EHBP1: variants seen among roughly 807,000 people sequenced by gnomAD.
EHBP1 encodes EH domain binding protein 1, also known as EH domain-binding protein 1.
In EHBP1, 55 loss-of-function variants were observed where a neutral mutation model predicts 144.0. The observed-to-expected ratio is 0.38, with a 90% CI of 0.31 to 0.48. EHBP1 has a LOEUF of 0.48. Among genes scored for constraint, EHBP1 ranks in the 20% least tolerant of loss-of-function variants. The pLI is 0.98. For synonymous variants in EHBP1, 469 were observed against 472.7 expected, an observed-to-expected ratio of 0.99 and a Z score of 0.10; for missense variants, 1,200 against 1,364.2, an observed-to-expected ratio of 0.88 and a Z score of 1.90.
intron 13 of EHBP1, among the ~76,000 whole-genome samples, chr2:62,949,604 A>G (rs2057272210): frequency 6.6e-6 from 1 of 152,234 alleles, no homozygotes; most frequent in African/African-American, 2.4e-5. Context: ...TAAATCAAAG[A>G]TGTTTCAATA....
intron 9 of EHBP1, chr2:62,871,985 T>C (rs1195354510): frequency 2.6e-5 from 4 of 152,184 alleles, no homozygotes; most frequent in Non-Finnish European, 4.4e-5. Context: ...ATTTCTCGTA[T>C]GGTTTTGTGT....
At chr2:62,766,205 T>C (rs1489979563) in intron 4 of EHBP1, among the ~76,000 whole-genome samples, 1 of 152,160 alleles carries the variant, frequency 6.6e-6, no homozygotes, top group Non-Finnish European at 1.5e-5. Flanking sequence ...TTGTAGGGGT[T>C]GTTAAAGAAA....
intron 1 of EHBP1, among the ~76,000 whole-genome samples, chr2:62,696,815 C>A (rs2034118253): frequency 6.6e-6 from 1 of 152,116 alleles, no homozygotes; most frequent in Admixed American, 6.5e-5. Flanking sequence ...CCACGCCTGA[C>A]CTTTTTTTCT....
At chr2:62,960,246 C>T (rs2057933008) in intron 14 of EHBP1, among the ~76,000 whole-genome samples, 1 of 152,126 alleles carries the variant, frequency 6.6e-6, no homozygotes, top group African/African-American at 2.4e-5. Context: ...CCTGTCCCCT[C>T]CCTTTACAGC....
At chr2:62,932,606 G>A (rs2056088690) in intron 10 of EHBP1, among the ~76,000 whole-genome samples, 1 of 152,232 alleles carries the variant, frequency 6.6e-6, no homozygotes, top group African/African-American at 2.4e-5. Context: ...AGAAAGTTCT[G>A]GAGATCTGTT....
At position 62,977,537 on chromosome 2, in the gene EHBP1, C is replaced by CT. The variant is rs1171961156; in HGVS notation, c.2461-1645dup. On this transcript the variant is annotated intron_variant, in intron 14 of 22. Coordinates refer to ENST00000431489, the MANE Select transcript of EHBP1 (RefSeq NM_001142616.3). ...TTTGCCCCTCAGCCAAAAATGTTCT[C>CT]TTTTTTCTGAACCCTTATGTTATTT... Among the ~76,000 whole-genome samples the CT allele has an allele frequency of 2.6e-5, 4 of 152,112 alleles. No individual in the cohort carries two copies. The South Asian group carries it at 6.2e-4, about 24-fold the overall frequency.
At chr2:62,962,417 G>T (rs2058048013) in intron 14 of EHBP1, among the ~76,000 whole-genome samples, 1 of 152,154 alleles carries the variant, frequency 6.6e-6, no homozygotes, top group South Asian at 2.1e-4. Flanking sequence ...TTTAAAAAAT[G>T]CATTTAATAA....
chr2:62,890,056 G>A (rs374695305), intron 10 of EHBP1, among the ~76,000 whole-genome samples: 2 of 151,292 alleles, frequency 1.3e-5, no homozygotes, highest in Non-Finnish European at 2.9e-5. Flanking sequence ...CCGCCTCTGG[G>A]TTCAAGTGAT....
intron 1 of EHBP1, among the ~76,000 whole-genome samples, chr2:62,678,604 A>G (rs1156485266): frequency 6.6e-6 from 1 of 152,170 alleles, no homozygotes; most frequent in Non-Finnish European, 1.5e-5. Flanking sequence ...TTGAGTTCCA[A>G]AATAGCTGTT....
chr2:62,856,544 G>A (rs1205397155), intron 7 of EHBP1, among the ~76,000 whole-genome samples: 2 of 152,130 alleles, frequency 1.3e-5, no homozygotes, highest in Admixed American at 6.5e-5. Flanking sequence ...TGCCTGACTC[G>A]CCCTTGGTAG....
chr2:62,832,124 T>G (rs899762489), intron 7 of EHBP1, among the ~76,000 whole-genome samples: 1 of 152,220 alleles, frequency 6.6e-6, no homozygotes, highest in Non-Finnish European at 1.5e-5. Flanking sequence ...TGATTGCAAT[T>G]TTGATTTATT....
intron 14 of EHBP1, among the ~76,000 whole-genome samples, chr2:62,976,607 C>T (rs976420802): frequency 1.3e-5 from 2 of 152,112 alleles, no homozygotes; most frequent in African/African-American, 2.4e-5. Flanking sequence ...GTCCTCTTTT[C>T]CTCTTATGTA....
intron 7 of EHBP1, among the ~76,000 whole-genome samples, chr2:62,832,438 CTTTTTTT>C (rs202005406): frequency 2.5e-4 from 29 of 117,820 alleles, no homozygotes; most frequent in Admixed American, 3.5e-4. Flanking sequence ...TTTCTTTTTT[CTTTTTTT>C]TTTTTTTTTT....
rs1376655822 is a variant in EHBP1, at chr2:62,928,715, A to C, written c.1186-14003A>C. ...AAGCTAGAAAAAGGAAGGAAATAAT[A>C]AAGATTAGAGCAGAGATAAACAAAA... On this transcript the variant is annotated intron_variant, in intron 10 of 22. Transcript: ENST00000431489. 2.0e-5 allele frequency among the ~76,000 whole-genome samples: 3 copies of C among 152,068 alleles called. No individual in the cohort carries two copies. The East Asian group carries it at 5.8e-4, about 29-fold the overall frequency.
At chr2:62,848,030 C>T (rs1266552307) in intron 7 of EHBP1, among the ~76,000 whole-genome samples, 1 of 151,162 alleles carries the variant, frequency 6.6e-6, no homozygotes, top group Non-Finnish European at 1.5e-5. Flanking sequence ...AAACTCTCAT[C>T]CATTGTTGGT....
At chr2:63,012,761 T>C (rs1326859442) in intron 19 of EHBP1, among the ~76,000 whole-genome samples, 1 of 152,190 alleles carries the variant, frequency 6.6e-6, no homozygotes, top group African/African-American at 2.4e-5. Flanking sequence ...ATGGCTTGCA[T>C]AGGGACTCCT....
At chr2:62,824,517 A>G (rs532328353) in intron 5 of EHBP1, among the ~76,000 whole-genome samples, 36 of 152,156 alleles carry the variant, frequency 2.4e-4, no homozygotes, top group African/African-American at 8.2e-4. Context: ...AGTAGCAACC[A>G]GGGAAAGAAC....
chr2:62,993,616 A>G lies in EHBP1; in HGVS notation c.2820A>G (p.Thr940=). 1 of 1,610,006 alleles carries G rather than the reference A, an allele frequency of 6.2e-7. No individual in the cohort carries two copies. Among genetic ancestry groups the G allele is most frequent in the South Asian group, 1.1e-5 (1 of 90,584 alleles). ...CTGTTGTGTTCAGCAAAGATTCTACAGTCAGAAAAACTCAACTTCAGTCTT... is the reference window on the plus strand; with the variant it reads ...CTGTTGTGTTCAGCAAAGATTCTACGGTCAGAAAAACTCAACTTCAGTCTT... The part of the protein sequence containing the change: ...RNPVVFSKDS[T]VRKTQLQSFS... The change falls in exon 17 of 23, where the codon ACA becomes ACG. Residue 940 remains threonine, a synonymous_variant. Transcript: ENST00000431489.
At chr2:62,829,894 A>G (rs2046674272) in intron 6 of EHBP1, among the ~76,000 whole-genome samples, 1 of 150,718 alleles carries the variant, frequency 6.6e-6, no homozygotes, top group Non-Finnish European at 1.5e-5. Flanking sequence ...GCTGGTGAGA[A>G]TGTAAACTGG....
Sources: allele counts gnomAD v4.1 joint callset (sites outside exome capture counted in the v4.1 genomes callset), GRCh38; gene constraint gnomAD v4.1.1; transcripts MANE v1.5; gene names NCBI Gene and HGNC (gene_info 2026-07-23, HGNC 2026-07-21).